The following NDST4 variants were observed in gnomAD, a reference collection of about 807,000 sequenced individuals.
The protein encoded by NDST4 is N-heparan sulfate sulfotransferase 4.
In NDST4, 63 loss-of-function variants were observed where a neutral mutation model predicts 100.8. The ratio of observed to expected loss-of-function variants is 0.62; its 90% CI spans 0.51 to 0.77. NDST4 has a LOEUF of 0.77. NDST4 is among the 30% of genes least tolerant of loss of function. The pLI is 0.00. For missense variants in NDST4, 943 were observed against 1,018.4 expected (o/e 0.93, Z 1.01); for synonymous variants, 377 against 361.8 (o/e 1.04, Z -0.48).
chr4:114,885,998 C>T (rs1724469058), intron 6 of NDST4, among the ~76,000 whole-genome samples: 1 of 151,984 alleles, frequency 6.6e-6, no homozygotes, highest in Admixed American at 6.6e-5. Flanking sequence ...TCTAGAAAGA[C>T]CACATTCATA....
chr4:114,907,963 T>G (rs1390639216), intron 6 of NDST4, among the ~76,000 whole-genome samples: 1 of 152,194 alleles, frequency 6.6e-6, no homozygotes, highest in East Asian at 1.9e-4. Context: ...TTAGACTTTC[T>G]CTTAAAGGAA....
intron 10 of NDST4, among the ~76,000 whole-genome samples, chr4:114,845,243 G>A (rs764164182): frequency 6.6e-6 from 1 of 152,070 alleles, no homozygotes; most frequent in African/African-American, 2.4e-5. Flanking sequence ...GAGGCAGGAG[G>A]ATAACTTCAG....
chr4:114,948,291 A>G (rs1725914142), intron 4 of NDST4, among the ~76,000 whole-genome samples: 1 of 149,334 alleles, frequency 6.7e-6, no homozygotes, highest in Non-Finnish European at 1.5e-5. Flanking sequence ...CCCCCCAAAT[A>G]CAACGTGTTA....
At chr4:114,867,665 C>CAAAAAA in intron 7 of NDST4, among the ~76,000 whole-genome samples, 125 of 79,842 alleles carry the variant, frequency 1.6e-3, no homozygotes, top group South Asian at 2.3e-3. Context: ...AAAAAAAAAG[C>CAAAAAA]AAAAAAAAAA....
rs759564645 is a variant in NDST4 at position 114,829,782 on chromosome 4, A to G, written c.2499+8T>C. ...GCTAGAGTAATTCAAAGATTAAAAAATTATTACCTCTGGATCCATAGGTGG... is the reference window on the plus strand; with the variant it reads ...GCTAGAGTAATTCAAAGATTAAAAAGTTATTACCTCTGGATCCATAGGTGG... On this transcript the variant is annotated splice_region_variant and intron_variant, in intron 13 of 13. Coordinates refer to ENST00000264363, the MANE Select transcript of NDST4 (RefSeq NM_022569.3). 2.0e-5 allele frequency: 31 copies of G among 1,583,610 alleles called. No homozygotes were observed. Among genetic ancestry groups the G allele is most frequent in the Middle Eastern group, 3.3e-4 (2 of 5,974 alleles).
chr4:115,051,205 T>C (rs749648528), intron 2 of NDST4, among the ~76,000 whole-genome samples: 2 of 152,126 alleles, frequency 1.3e-5, no homozygotes, highest in Non-Finnish European at 2.9e-5. Flanking sequence ...TTTAATGTAT[T>C]CTCAACAGTG....
intron 2 of NDST4, among the ~76,000 whole-genome samples, chr4:115,032,026 C>A (rs1444161340): frequency 6.6e-6 from 1 of 152,092 alleles, no homozygotes; most frequent in African/African-American, 2.4e-5. Flanking sequence ...CCCCCTCCAA[C>A]TGGCAATATA....
At chr4:114,895,488 A>G (rs1412503148) in intron 6 of NDST4, among the ~76,000 whole-genome samples, 1 of 152,218 alleles carries the variant, frequency 6.6e-6, no homozygotes, top group African/African-American at 2.4e-5. Flanking sequence ...TTGGGGCAGT[A>G]ATTAATAGCC....
At chr4:114,941,427 CT>C (rs752575318) in intron 4 of NDST4, among the ~76,000 whole-genome samples, 3 of 151,026 alleles carry the variant, frequency 2.0e-5, no homozygotes, top group Admixed American at 6.6e-5. Context: ...CTCCTGTTCA[CT>C]TTTTTTTTGT....
chr4:114,967,387 A>C (rs562005174), intron 4 of NDST4, among the ~76,000 whole-genome samples: 1 of 152,304 alleles, frequency 6.6e-6, no homozygotes, highest in Non-Finnish European at 1.5e-5. Context: ...CTGACTAAAC[A>C]AATGTAATTA....
At chr4:114,840,391 A>C (rs1174601811) in intron 10 of NDST4, among the ~76,000 whole-genome samples, 1 of 152,172 alleles carries the variant, frequency 6.6e-6, no homozygotes, top group African/African-American at 2.4e-5. Context: ...GAAAAGATAT[A>C]AGACATAACC....
chr4:115,088,219 C>G (rs1729445517), intron 1 of NDST4, among the ~76,000 whole-genome samples: 1 of 151,838 alleles, frequency 6.6e-6, no homozygotes, highest in South Asian at 2.1e-4. Flanking sequence ...TGCAGGGAGC[C>G]AAGCTGACTC....
chr4:114,927,856 A>G (rs918247964), intron 6 of NDST4, among the ~76,000 whole-genome samples: 5 of 152,172 alleles, frequency 3.3e-5, no homozygotes, highest in Non-Finnish European at 7.4e-5. Context: ...TTATCCTAAC[A>G]CTACTGATCA....
chr4:114,947,472 A>G (rs1725891891), intron 4 of NDST4, among the ~76,000 whole-genome samples: 1 of 152,156 alleles, frequency 6.6e-6, no homozygotes. Flanking sequence ...TGTGTTACAT[A>G]GAGAGATGTT....
At chr4:114,974,639 C>T (rs1726589265) in intron 3 of NDST4, among the ~76,000 whole-genome samples, 1 of 152,114 alleles carries the variant, frequency 6.6e-6, no homozygotes, top group African/African-American at 2.4e-5. Context: ...TAAGGTATTT[C>T]ATTCTAAACT....
At chr4:115,089,575 T>A (rs1029546742) in intron 1 of NDST4, among the ~76,000 whole-genome samples, 2 of 151,912 alleles carry the variant, frequency 1.3e-5, no homozygotes, top group African/African-American at 4.8e-5. Context: ...GGTTTATGTG[T>A]CTTCCCCAGA....
chr4:114,912,338 G>A (rs1490010478), intron 6 of NDST4, among the ~76,000 whole-genome samples: 2 of 152,086 alleles, frequency 1.3e-5, no homozygotes, highest in Admixed American at 1.3e-4. Flanking sequence ...CTAAGAACAC[G>A]GCTCTCTTCT....
chr4:114,853,146 A>G (rs1461194573), intron 7 of NDST4, among the ~76,000 whole-genome samples: 2 of 152,120 alleles, frequency 1.3e-5, no homozygotes, highest in Admixed American at 6.5e-5. Context: ...ACCTGGTTTC[A>G]TCATAGTTAC....
At chr4:114,931,039 T>C (rs1560818108) in intron 6 of NDST4, among the ~76,000 whole-genome samples, 1 of 152,036 alleles carries the variant, frequency 6.6e-6, no homozygotes, top group African/African-American at 2.4e-5. Flanking sequence ...TGGTCACTTT[T>C]AGAAACTGAA....
Sources: gnomAD v4.1 joint callset for allele counts (sites outside exome capture counted in the v4.1 genomes callset) on GRCh38, gnomAD v4.1.1 for gene constraint, MANE v1.5 for transcripts, NCBI Gene and HGNC (gene_info 2026-07-23, HGNC 2026-07-21) for gene names.